Variants in MSRB3 observed in about 807,000 individuals in gnomAD.
MSRB3 encodes methionine-R-sulfoxide reductase B3.
In MSRB3, 13 loss-of-function variants were observed where a neutral mutation model predicts 21.0. That is an observed-to-expected ratio of 0.62 (90% confidence interval 0.40 to 0.98). The LOEUF is 0.98. Among genes scored for constraint, MSRB3 ranks in the 50% least tolerant of loss-of-function variants. MSRB3 has a pLI of 0.00. For synonymous variants in MSRB3, 87 were observed against 88.6 expected (o/e 0.98, Z 0.10); for missense variants, 199 against 230.3 (o/e 0.86, Z 0.88).
chr12:65,352,936 A>C (rs1384317943), intron 4 of MSRB3, among the ~76,000 whole-genome samples: 1 of 151,916 alleles, frequency 6.6e-6, no homozygotes, highest in Non-Finnish European at 1.5e-5. Flanking sequence ...GCTACCAATG[A>C]CTTTCTTCAC....
chr12:65,382,547 A>G (rs894032017), intron 5 of MSRB3, among the ~76,000 whole-genome samples: 1 of 151,786 alleles, frequency 6.6e-6, no homozygotes, highest in South Asian at 2.1e-4. Context: ...GGCTTGTTTG[A>G]TATCACTTTT....
At chr12:65,334,940 T>G (rs1180814573) in intron 4 of MSRB3, among the ~76,000 whole-genome samples, 1 of 152,206 alleles carries the variant, frequency 6.6e-6, no homozygotes, top group Non-Finnish European at 1.5e-5. Flanking sequence ...TCTCTCTACA[T>G]TTTTTGAGAA....
chr12:65,450,671 A>C (rs987469469), intron 5 of MSRB3, among the ~76,000 whole-genome samples: 3 of 152,208 alleles, frequency 2.0e-5, no homozygotes, highest in African/African-American at 7.2e-5. Context: ...TCTTTCTTTA[A>C]TGTCAAAACT....
At position 65,350,921 on chromosome 12, in the gene MSRB3, A is replaced by C. The variant is rs1182954041; in HGVS notation, c.264-18077A>C. ...AGATCAACGAGACAGAAAGTCAACA[A>C]GGATACCCAGGAATTGAACTCAGCT... is the stretch of plus-strand genomic sequence containing the variant. On this transcript the variant is annotated intron_variant, in intron 4 of 6. Transcript: ENST00000308259. Among the ~76,000 whole-genome samples the C allele has an allele frequency of 7.4e-4, 109 of 148,082 alleles. 2 individuals carry two copies. The highest frequency in any genetic ancestry group is 5.9e-5 in the Non-Finnish European group (4 of 67,530).
intron 4 of MSRB3, among the ~76,000 whole-genome samples, chr12:65,337,175 G>A (rs1201410065): frequency 2.0e-5 from 3 of 151,708 alleles, no homozygotes; most frequent in African/African-American, 7.3e-5. Flanking sequence ...CCCGGAAGGC[G>A]GAGCTTGCAG....
At chr12:65,368,643 G>T (rs1878145386) in intron 4 of MSRB3, among the ~76,000 whole-genome samples, 1 of 152,090 alleles carries the variant, frequency 6.6e-6, no homozygotes, top group South Asian at 2.1e-4. Context: ...ATAATAAAGA[G>T]AATAATTATG....
chr12:65,345,852 G>A (rs1047551438), intron 4 of MSRB3, among the ~76,000 whole-genome samples: 4 of 152,154 alleles, frequency 2.6e-5, no homozygotes, highest in Admixed American at 6.5e-5. Context: ...TTGTCCTTGT[G>A]ATAGTTTGCT....
chr12:65,429,222 A>G (rs1881762772), intron 5 of MSRB3, among the ~76,000 whole-genome samples: 1 of 152,118 alleles, frequency 6.6e-6, no homozygotes, highest in Non-Finnish European at 1.5e-5. Flanking sequence ...ACCCTTTGAT[A>G]TTGTTGATCC....
rs1030145129 is a variant in MSRB3, at chr12:65,326,352, A to G, written c.77-474A>G. On this transcript the variant is annotated intron_variant, in intron 2 of 6. Transcript: ENST00000308259. ...AGGGCTCAAAAATAGGATGGTAGTT[A>G]AATCATCCACAATGGAAATGGAATT... is the stretch of plus-strand genomic sequence containing the variant. 7.2e-5 allele frequency among the ~76,000 whole-genome samples: 11 copies of G among 152,320 alleles called. No homozygotes were observed. In the South Asian group the frequency reaches 1.9e-3, roughly 26 times the overall value.
At chr12:65,283,304 T>C (rs1350225117) in intron 1 of MSRB3, among the ~76,000 whole-genome samples, 1 of 152,226 alleles carries the variant, frequency 6.6e-6, no homozygotes, top group East Asian at 1.9e-4. Context: ...GTAATTTCCT[T>C]GTGCTTCTAA....
At chr12:65,440,591 A>G (rs1327271714) in intron 5 of MSRB3, among the ~76,000 whole-genome samples, 1 of 151,934 alleles carries the variant, frequency 6.6e-6, no homozygotes, top group Non-Finnish European at 1.5e-5. Flanking sequence ...AAGACTATAT[A>G]ATGCTATAAT....
At chr12:65,407,670 A>G (rs1352370162) in intron 5 of MSRB3, among the ~76,000 whole-genome samples, 2 of 152,066 alleles carry the variant, frequency 1.3e-5, no homozygotes, top group Non-Finnish European at 2.9e-5. Flanking sequence ...TCCTTCTGCT[A>G]TTCCTATTAA....
chr12:65,349,783 G>T lies in MSRB3; in HGVS notation c.264-19215G>T, dbSNP rs533526302. On this transcript the variant is annotated intron_variant, in intron 4 of 6. Transcript: ENST00000308259. ...TTGTTTTTTTCTTGTAAATTTGTTT[G>T]AGTTCATTGTAGATTCTGGATATTA... Among the ~76,000 whole-genome samples, 200 of 151,276 alleles carry T rather than the reference G, an allele frequency of 1.3e-3. 3 individuals are homozygous for T. Among genetic ancestry groups the T allele is most frequent in the Admixed American group, 9.5e-3 (144 of 15,220 alleles).
intron 4 of MSRB3, among the ~76,000 whole-genome samples, chr12:65,350,492 C>G (rs1016036276): frequency 3.3e-5 from 5 of 151,272 alleles, no homozygotes; most frequent in African/African-American, 1.2e-4. Flanking sequence ...GGACTAAATG[C>G]TCCAATGAAA....
chr12:65,300,944 C>A (rs1381344464), intron 1 of MSRB3, among the ~76,000 whole-genome samples: 1 of 152,098 alleles, frequency 6.6e-6, no homozygotes, highest in African/African-American at 2.4e-5. Flanking sequence ...ATGTTCCTAC[C>A]CAACCACAAG....
At chr12:65,319,766 G>T (rs1391217632) in intron 2 of MSRB3, among the ~76,000 whole-genome samples, 1 of 152,132 alleles carries the variant, frequency 6.6e-6, no homozygotes, top group African/African-American at 2.4e-5. Flanking sequence ...GGAAAATAAA[G>T]CAGAAATGAA....
chr12:65,411,783 A>T (rs1880728208), intron 5 of MSRB3, among the ~76,000 whole-genome samples: 1 of 149,032 alleles, frequency 6.7e-6, no homozygotes. Flanking sequence ...AATATGTGTA[A>T]TATGACTATA....
chr12:65,302,328 T>C (rs1026290563), intron 1 of MSRB3, among the ~76,000 whole-genome samples: 1 of 152,116 alleles, frequency 6.6e-6, no homozygotes, highest in Non-Finnish European at 1.5e-5. Context: ...CAAACTCCCA[T>C]ATGTCCCTGC....
In MSRB3 at chr12:65,328,511, C is replaced by G. The variant is rs1555202785; in HGVS notation, c.186-15C>G. ...TGCTAACTTTAATTTTTTAAATGAT[C>G]TGTTTATTTATCAGTGCCTTTGAAG... On this transcript the variant is annotated splice_polypyrimidine_tract_variant and intron_variant, in intron 3 of 6. Transcript: ENST00000308259. 3.2e-6 allele frequency: 5 copies of G among 1,550,894 alleles called. No individual in the cohort carries two copies. The Middle Eastern group carries it at 5.1e-4, about 159-fold the overall frequency.
Sources: allele counts gnomAD v4.1 joint callset (sites outside exome capture counted in the v4.1 genomes callset), GRCh38; gene constraint gnomAD v4.1.1; transcripts MANE v1.5; gene names NCBI Gene and HGNC (gene_info 2026-07-23, HGNC 2026-07-21).